Variants in TRPM6 observed in about 807,000 individuals in gnomAD.
The protein encoded by TRPM6 is channel kinase 2.
TRPM6 carries 111 observed loss-of-function variants against 247.6 expected under a neutral mutation model. The ratio of observed to expected loss-of-function variants is 0.45; its 90% CI spans 0.38 to 0.52. The LOEUF (loss-of-function observed/expected upper bound fraction) is 0.52, where lower values mean the gene tolerates loss of function less well. Among genes scored for constraint, TRPM6 ranks in the 20% least tolerant of loss-of-function variants. TRPM6 has a pLI of 0.00. For missense variants in TRPM6, 2,126 were observed against 2,421.5 expected (o/e 0.88, Z 2.56); for synonymous variants, 892 against 853.8 (o/e 1.04, Z -0.78).
At chr9:74,844,589 T>C (rs1050173576) in intron 3 of TRPM6, among the ~76,000 whole-genome samples, 9 of 152,236 alleles carry the variant, frequency 5.9e-5, no homozygotes, top group African/African-American at 2.2e-4. Context: ...GTTAGGACCT[T>C]ATTCTGGATT....
chr9:74,834,234 G>A, intron 5 of TRPM6, 112 bp from the exon 6 acceptor site: 1 of 1,308,286 alleles, frequency 7.6e-7, no homozygotes, highest in Non-Finnish European at 1.1e-6. Flanking sequence ...CTATTCTTAG[G>A]GAGAGTTGCT....
chr9:74,750,762 T>C, intron 29 of TRPM6, 40 bp from the exon 30 acceptor site: 1 of 1,587,688 alleles, frequency 6.3e-7, no homozygotes. Flanking sequence ...GTGCTCAACA[T>C]AGTCCCACCC....
intron 4 of TRPM6, among the ~76,000 whole-genome samples, chr9:74,841,231 A>G (rs1195095908): frequency 6.6e-6 from 1 of 152,190 alleles, no homozygotes; most frequent in East Asian, 1.9e-4. Context: ...ATCATTTTTT[A>G]TTTTACCTAA....
intron 36 of TRPM6, among the ~76,000 whole-genome samples, chr9:74,736,238 G>A (rs1299049823): frequency 6.6e-6 from 1 of 152,110 alleles, no homozygotes; most frequent in Non-Finnish European, 1.5e-5. Context: ...ACTCAAGGTG[G>A]TTGCTCCTCC....
intron 27 of TRPM6, among the ~76,000 whole-genome samples, chr9:74,759,157 C>T (rs907491812): frequency 6.6e-6 from 1 of 152,022 alleles, no homozygotes; most frequent in African/African-American, 2.4e-5. Flanking sequence ...AATCAGAAGA[C>T]TCATTATTGT....
intron 37 of TRPM6, among the ~76,000 whole-genome samples, chr9:74,729,144 T>G (rs1413490670): frequency 6.6e-6 from 1 of 152,182 alleles, no homozygotes; most frequent in Non-Finnish European, 1.5e-5. Context: ...ACCAGAAACA[T>G]TTCCCAAGAA....
At chr9:74,747,538 C>A (rs1192488150) in intron 31 of TRPM6, among the ~76,000 whole-genome samples, 1 of 152,180 alleles carries the variant, frequency 6.6e-6, no homozygotes, top group African/African-American at 2.4e-5. Flanking sequence ...GGAAAAGGCA[C>A]CCATATAACA....
chr9:74,866,734 G>A (rs1830858124), intron 1 of TRPM6, among the ~76,000 whole-genome samples: 1 of 152,156 alleles, frequency 6.6e-6, no homozygotes, highest in Admixed American at 6.5e-5. Context: ...ACCCACCTCA[G>A]TCTCCCAAAG....
intron 14 of TRPM6, among the ~76,000 whole-genome samples, chr9:74,805,982 C>G (rs557168716): frequency 1.5e-4 from 23 of 152,172 alleles, no homozygotes; most frequent in African/African-American, 5.5e-4. Flanking sequence ...AGGAATTATT[C>G]ATTGATTATA....
In TRPM6 at chr9:74,823,590, A is replaced by C. The variant is rs534298005; in HGVS notation, c.842-1753T>G. 2.6e-5 allele frequency among the ~76,000 whole-genome samples: 4 copies of C among 152,192 alleles called. No homozygotes were observed. The East Asian group carries it at 7.7e-4, about 29-fold the overall frequency. On this transcript the variant is annotated intron_variant, in intron 7 of 38. Transcript: ENST00000360774. ...TCCACCTCATTATTTTCTCCATATCACTAAAAAGCATATCTATGATGTACC... is the reference window on the plus strand; with the variant it reads ...TCCACCTCATTATTTTCTCCATATCCCTAAAAAGCATATCTATGATGTACC...
chr9:74,795,005 AAT>A (rs1828039400), intron 18 of TRPM6, among the ~76,000 whole-genome samples: 1 of 151,968 alleles, frequency 6.6e-6, no homozygotes, highest in African/African-American at 2.4e-5. Context: ...GCTCTGATAG[AAT>A]AGATTTTGTT....
At chr9:74,879,558 G>T (rs906878273) in intron 1 of TRPM6, among the ~76,000 whole-genome samples, 2 of 152,054 alleles carry the variant, frequency 1.3e-5, no homozygotes, top group African/African-American at 4.8e-5. Context: ...TAATCTTTCT[G>T]CTCCTTTCTG....
chr9:74,728,476 C>G, intron 37 of TRPM6, 131 bp from the exon 38 acceptor site: 1 of 700,278 alleles, frequency 1.4e-6, no homozygotes, highest in Non-Finnish European at 2.5e-6. Flanking sequence ...AAACAGAGCA[C>G]TTTGGGGAAA....
At chr9:74,770,326 C>T (rs376486049) in intron 25 of TRPM6, among the ~76,000 whole-genome samples, 7 of 152,118 alleles carry the variant, frequency 4.6e-5, no homozygotes, top group African/African-American at 1.7e-4. Flanking sequence ...ATAGTCAGTT[C>T]CATATATGTT....
At chr9:74,853,334 G>A (rs938148602) in intron 3 of TRPM6, among the ~76,000 whole-genome samples, 4 of 151,648 alleles carry the variant, frequency 2.6e-5, no homozygotes, top group Admixed American at 1.3e-4. Flanking sequence ...GCCTCTGCCC[G>A]GCTGCCACCC....
At chr9:74,846,036 CAA>C (rs111800676) in intron 3 of TRPM6, among the ~76,000 whole-genome samples, 2,869 of 152,142 alleles carry the variant, frequency 0.019, 82 homozygotes, top group African/African-American at 0.064. Context: ...AATTTGACAT[CAA>C]GAGAGTTCTT....
At chr9:74,736,171 ACT>A (rs1338724895) in intron 36 of TRPM6, among the ~76,000 whole-genome samples, 9 of 152,100 alleles carry the variant, frequency 5.9e-5, no homozygotes, top group Admixed American at 1.3e-4. Context: ...GCCCTTAACA[ACT>A]CTATGGCTTA....
chr9:74,862,117 A>AG (rs59675859), intron 1 of TRPM6, among the ~76,000 whole-genome samples: 5 of 151,058 alleles, frequency 3.3e-5, no homozygotes, highest in Non-Finnish European at 5.9e-5. Context: ...AAAAAAAAAA[A>AG]GCAGCCTTTA....
chr9:74,792,754 T>C lies in TRPM6; in HGVS notation c.2408A>G (p.Glu803Gly), dbSNP rs1464977507. ...ESASVKEYDL[E>G]RGHDEKLDEN... ...ATCCAGTTTCTCATCATGGCCCCTT[T>C]CCAAATCATACTCTTTCTATAAAAT... Residue 803 changes from glutamate (E) to glycine (G), a missense_variant, in exon 19 of 39, where the codon GAA becomes GGA. Coordinates refer to ENST00000360774, the MANE Select transcript of TRPM6 (RefSeq NM_017662.5). The C allele has an allele frequency of 1.2e-6, 2 of 1,613,754 alleles. No individual in the cohort carries two copies. The highest frequency in any genetic ancestry group is 2.7e-5 in the African/African-American group (2 of 74,926).
Sources: allele counts gnomAD v4.1 joint callset (sites outside exome capture counted in the v4.1 genomes callset), GRCh38; gene constraint gnomAD v4.1.1; transcripts MANE v1.5; gene names NCBI Gene and HGNC (gene_info 2026-07-23, HGNC 2026-07-21).